The following SLC38A4 variants were observed in gnomAD, a reference collection of about 807,000 sequenced individuals.
The protein encoded by SLC38A4 is solute carrier family 38 member 4.
Under a neutral mutation model 63.1 loss-of-function variants are expected in SLC38A4, and 20 were observed. That is an observed-to-expected ratio of 0.32 (90% confidence interval 0.22 to 0.46). The LOEUF is 0.46. Among genes scored for constraint, SLC38A4 ranks in the 20% least tolerant of loss-of-function variants. SLC38A4 has a pLI of 1.00. For synonymous variants in SLC38A4, 230 were observed against 225.5 expected, an observed-to-expected ratio of 1.02 and a Z score of -0.18; for missense variants, 526 against 663.6, an observed-to-expected ratio of 0.79 and a Z score of 2.28.
At chr12:46,831,876 G>A (rs1340909683) in intron 1 of SLC38A4, among the ~76,000 whole-genome samples, 1 of 152,102 alleles carries the variant, frequency 6.6e-6, no homozygotes, top group Non-Finnish European at 1.5e-5. Flanking sequence ...GCGCGGCCAC[G>A]GAACGCAGTC....
upstream of SLC38A4, among the ~76,000 whole-genome samples, chr12:46,826,387 A>T (rs959199879): frequency 2.0e-5 from 3 of 152,222 alleles, no homozygotes; most frequent in Admixed American, 2.0e-4. Context: ...CCAAATCTTC[A>T]TAGCAGATTA....
At chr12:46,815,284 T>TATATATAC (rs1555173035) in intron 1 of SLC38A4, among the ~76,000 whole-genome samples, 27 of 82,956 alleles carry the variant, frequency 3.3e-4, no homozygotes, top group East Asian at 8.6e-4. Context: ...TATATATATA[T>TATATATAC]ACACACACAC....
upstream of SLC38A4, among the ~76,000 whole-genome samples, chr12:46,827,825 G>C (rs1396380804): frequency 6.6e-6 from 1 of 151,972 alleles, no homozygotes; most frequent in African/African-American, 2.4e-5. Context: ...TTCCATTTGA[G>C]CACTGGTTTT....
intron 1 of SLC38A4, among the ~76,000 whole-genome samples, chr12:46,821,401 A>T (rs998592704): frequency 1.3e-5 from 2 of 152,058 alleles, no homozygotes; most frequent in Non-Finnish European, 2.9e-5. Context: ...TCCCAACACC[A>T]TTTGTTGAAG....
At chr12:46,789,240 T>C (rs1042912507) in intron 3 of SLC38A4, among the ~76,000 whole-genome samples, 21 of 152,000 alleles carry the variant, frequency 1.4e-4, no homozygotes, top group African/African-American at 4.6e-4. Context: ...CATTTATACA[T>C]ACATCTCTTA....
chr12:46,784,899 T>C (rs1269709558), intron 6 of SLC38A4, among the ~76,000 whole-genome samples: 1 of 152,134 alleles, frequency 6.6e-6, no homozygotes, highest in Non-Finnish European at 1.5e-5. Flanking sequence ...TTTTTTCTAT[T>C]TGTCTTGAAC....
chr12:46,828,684 T>C (rs1350790963), upstream of SLC38A4, among the ~76,000 whole-genome samples: 1 of 152,164 alleles, frequency 6.6e-6, no homozygotes, highest in African/African-American at 2.4e-5. Flanking sequence ...TTTCCTCCAG[T>C]AGACTCATTC....
At chr12:46,770,520 C>G (rs903260769) in intron 14 of SLC38A4, among the ~76,000 whole-genome samples, 2 of 151,990 alleles carry the variant, frequency 1.3e-5, no homozygotes, top group African/African-American at 4.8e-5. Context: ...CTTATCCTTC[C>G]CTTCAGGATC....
chr12:46,792,880 A>C, intron 3 of SLC38A4, 73 bp downstream of exon 3: 1 of 1,093,882 alleles, frequency 9.1e-7, no homozygotes, highest in Non-Finnish European at 1.4e-6. Context: ...AGTTCTTCCC[A>C]TCAAGACCCT....
At chr12:46,818,520 A>G (rs1423890636) in intron 1 of SLC38A4, among the ~76,000 whole-genome samples, 1 of 151,856 alleles carries the variant, frequency 6.6e-6, no homozygotes, top group African/African-American at 2.4e-5. Context: ...TAGTTTTGGT[A>G]ATATAGTACA....
chr12:46,806,350 GTGA>G (rs767220728), intron 1 of SLC38A4, among the ~76,000 whole-genome samples: 3 of 151,962 alleles, frequency 2.0e-5, no homozygotes, highest in Non-Finnish European at 4.4e-5. Flanking sequence ...CAGATTTTTA[GTGA>G]TGAAGATCTT....
At chr12:46,791,579 C>G (rs1438379020) in intron 3 of SLC38A4, among the ~76,000 whole-genome samples, 1 of 152,128 alleles carries the variant, frequency 6.6e-6, no homozygotes, top group African/African-American at 2.4e-5. Flanking sequence ...TAGATTTGGT[C>G]AAAAATTCCC....
At chr12:46,803,284 A>G (rs1939168041) in intron 2 of SLC38A4, among the ~76,000 whole-genome samples, 2 of 152,044 alleles carry the variant, frequency 1.3e-5, no homozygotes. Flanking sequence ...ATTATAGTCC[A>G]TGATCAACCT....
intron 12 of SLC38A4, 68 bp from the exon 13 acceptor site, chr12:46,777,072 A>C: frequency 8.0e-7 from 1 of 1,251,674 alleles, no homozygotes; most frequent in South Asian, 1.3e-5. Context: ...TTCAAAATGA[A>C]AATAATAATA....
At chr12:46,777,273 A>G (rs530037469) in intron 12 of SLC38A4, among the ~76,000 whole-genome samples, 2 of 152,092 alleles carry the variant, frequency 1.3e-5, no homozygotes, top group African/African-American at 2.4e-5. Flanking sequence ...AAGCTTGCCC[A>G]CTGAATAAGA....
At chr12:46,795,669 T>G (rs528435229) in intron 2 of SLC38A4, among the ~76,000 whole-genome samples, 2 of 152,300 alleles carry the variant, frequency 1.3e-5, no homozygotes, top group East Asian at 3.9e-4. Context: ...TGCTTCATGT[T>G]GGAAAATTCT....
At chr12:46,820,003 CT>C (rs1385877354) in intron 1 of SLC38A4, among the ~76,000 whole-genome samples, 9 of 151,880 alleles carry the variant, frequency 5.9e-5, no homozygotes, top group African/African-American at 1.9e-4. Flanking sequence ...TAAAGTGGGC[CT>C]CACTGTGTTG....
intron 1 of SLC38A4, among the ~76,000 whole-genome samples, chr12:46,813,470 G>A (rs1037047493): frequency 6.6e-6 from 1 of 151,926 alleles, no homozygotes; most frequent in African/African-American, 2.4e-5. Flanking sequence ...TCAAGGATTC[G>A]GATCCAATCC....
chr12:46,797,914 A>G (rs1163252451), intron 2 of SLC38A4, among the ~76,000 whole-genome samples: 1 of 152,206 alleles, frequency 6.6e-6, no homozygotes, highest in Non-Finnish European at 1.5e-5. Flanking sequence ...AGTCAAAAGC[A>G]TAAGAGCCTT....
Sources: allele counts gnomAD v4.1 joint callset (sites outside exome capture counted in the v4.1 genomes callset), GRCh38; gene constraint gnomAD v4.1.1; transcripts MANE v1.5; gene names NCBI Gene and HGNC (gene_info 2026-07-23, HGNC 2026-07-21).